TMEM212: variants seen among roughly 807,000 people sequenced by gnomAD.
The protein encoded by TMEM212 is transmembrane protein 212.
TMEM212 carries 23 observed loss-of-function variants against 20.5 expected under a neutral mutation model. The observed-to-expected ratio is 1.12, with a 90% CI of 0.81 to 1.59. TMEM212 has a LOEUF of 1.59. TMEM212 is among the 40% of genes most tolerant of loss of function. The pLI, the probability that TMEM212 is intolerant of heterozygous loss-of-function variation, is 0.00. For synonymous variants in TMEM212, 76 were observed against 81.6 expected (o/e 0.93, Z 0.37); for missense variants, 211 against 215.0 (o/e 0.98, Z 0.12).
In TMEM212 at chr3:171,848,425, T is replaced by G. The variant is rs898258798; in HGVS notation, c.160-3557T>G. Reference sequence around the variant, plus strand: ...CATTCCTTCCTTTTCCATCTCACTCTATACCCCCTTACCACTTGCCATCAC... The same window carrying G: ...CATTCCTTCCTTTTCCATCTCACTCGATACCCCCTTACCACTTGCCATCAC... On this transcript the variant is annotated intron_variant, in intron 1 of 4. Coordinates refer to ENST00000334567, the MANE Select transcript of TMEM212 (RefSeq NM_001164436.2). Among the ~76,000 whole-genome samples the G allele has an allele frequency of 5.9e-5, 9 of 152,316 alleles. 1 individual carries two copies. The highest frequency in any genetic ancestry group is 6.8e-3 in the Middle Eastern group (2 of 294).
chr3:171,843,496 C>T lies in TMEM212; in HGVS notation c.113C>T (p.Thr38Ile). 2 of 1,536,884 alleles carry T rather than the reference C, an allele frequency of 1.3e-6. No homozygotes were observed. The highest frequency in any genetic ancestry group is 1.4e-5 in the African/African-American group (1 of 73,132). ...FPVFSYKPWF[T>I]GWSVRIACPI... is the part of the protein sequence containing the mutation. ...GTCTTTTCTTACAAGCCTTGGTTCA[C>T]AGGATGGAGTGTTCGAATTGCTTGT... is the stretch of plus-strand genomic sequence containing the variant. Residue 38 changes from threonine (T) to isoleucine (I), a missense_variant, in exon 1 of 5, where the codon ACA becomes ATA. Physicochemically the swap from Thr to Ile is moderately conservative, Grantham distance 89 (BLOSUM62 -1). Coordinates refer to ENST00000334567, the MANE Select transcript of TMEM212 (RefSeq NM_001164436.2).
At position 171,853,559 on chromosome 3, in the gene TMEM212, C is replaced by A; in HGVS notation, c.252C>A (p.Ser84Arg). The change falls in exon 3 of 5, where the codon AGC becomes AGA. Residue 84 changes from serine (S) to arginine (R), a missense_variant. Coordinates refer to ENST00000334567, the MANE Select transcript of TMEM212 (RefSeq NM_001164436.2). ...GEATFTFVILSIMGCPLHFAI... is the reference protein window; with the variant it reads ...GEATFTFVILRIMGCPLHFAI... ...CTACTTTCACCTTTGTGATTCTGAG[C>A]ATTATGGGATGTCCACTTCATTTTG... The A allele has an allele frequency of 6.5e-7, 1 of 1,537,084 alleles. No individual in the cohort carries two copies. Among genetic ancestry groups the A allele is most frequent in the East Asian group, 2.4e-5 (1 of 40,920 alleles).
chr3:171,846,470 G>GT (rs1724835884), intron 1 of TMEM212, among the ~76,000 whole-genome samples: 1 of 152,140 alleles, frequency 6.6e-6, no homozygotes, highest in African/African-American at 2.4e-5. Flanking sequence ...GGCAGGGATT[G>GT]TTTTTTCTAT....
chr3:171,845,609 A>G (rs1350211782), intron 1 of TMEM212, among the ~76,000 whole-genome samples: 1 of 152,202 alleles, frequency 6.6e-6, no homozygotes, highest in Non-Finnish European at 1.5e-5. Context: ...GGCCCGGAGA[A>G]ATGATATGAT....
intron 3 of TMEM212, among the ~76,000 whole-genome samples, chr3:171,854,823 T>G (rs1209342342): frequency 6.6e-6 from 1 of 152,146 alleles, no homozygotes; most frequent in East Asian, 1.9e-4. Context: ...GACATAGAGC[T>G]CAGAAATAAA....
In TMEM212 at chr3:171,858,979, G is replaced by A. The variant is rs1725186147; in HGVS notation, c.*922G>A. On this transcript the variant is annotated 3_prime_UTR_variant, in exon 5 of 5. Transcript: ENST00000334567. ...GGAATACTACGCAGCCATAAAAAAGGATGAGTTCATGTCCTTTGCAGGGAC... is the reference window on the plus strand; with the variant it reads ...GGAATACTACGCAGCCATAAAAAAGAATGAGTTCATGTCCTTTGCAGGGAC... The A allele has an allele frequency of 6.6e-6, 1 of 152,172 alleles. No individual in the cohort carries two copies. Among genetic ancestry groups the A allele is most frequent in the South Asian group, 2.1e-4 (1 of 4,834 alleles). 9.4% of individuals were successfully genotyped at this position (152,172 alleles called of 1,614,324 possible). A position where few individuals can be genotyped will look rare whatever the true frequency, so the allele number is the denominator to read the frequency against.
In TMEM212 at chr3:171,853,848, A is replaced by G. The variant is rs578217188; in HGVS notation, c.541A>G (p.Asn181Asp). The change falls in exon 3 of 5, where the codon AAC becomes GAC. Residue 181 changes from asparagine (N) to aspartate (D), a missense_variant and splice_region_variant. Coordinates refer to ENST00000334567, the MANE Select transcript of TMEM212 (RefSeq NM_001164436.2). ...AAGACTTATCCAGAATGGACACATA[A>G]ACGTAAGTTTCAACAAAGGGGAGGC... ...SARLIQNGHI[N>D]MQLPAGNPNP... The G allele has an allele frequency of 1.3e-6, 2 of 1,531,774 alleles. No homozygotes were observed. Among genetic ancestry groups the G allele is most frequent in the African/African-American group, 2.8e-5 (2 of 72,716 alleles). 94.9% of individuals were successfully genotyped at this position (1,531,774 alleles called of 1,614,324 possible). A position where few individuals can be genotyped will look rare whatever the true frequency, so the allele number is the denominator to read the frequency against.
chr3:171,847,485 T>C (rs1724863901), intron 1 of TMEM212, among the ~76,000 whole-genome samples: 1 of 152,242 alleles, frequency 6.6e-6, no homozygotes, highest in African/African-American at 2.4e-5. Context: ...GTTGCATGTC[T>C]TCCAACTGCC....
chr3:171,855,177 AGATT>A (rs1166556470), intron 3 of TMEM212, among the ~76,000 whole-genome samples: 1 of 152,216 alleles, frequency 6.6e-6, no homozygotes, highest in Non-Finnish European at 1.5e-5. Flanking sequence ...GACATTCTTC[AGATT>A]GATACCTCAA....
At chr3:171,857,240 A>G (rs193052458) in intron 4 of TMEM212, among the ~76,000 whole-genome samples, 1 of 152,300 alleles carries the variant, frequency 6.6e-6, no homozygotes, top group Admixed American at 6.5e-5. Context: ...AAAAAAACTC[A>G]CACACATGGA....
rs373081476 is a variant in TMEM212 at position 171,855,167 on chromosome 3, G to A, written c.543+1317G>A. Reference sequence around the variant, plus strand: ...TTTAAATTCTATGACCTATCTCTTTGACATTCTTCAGATTGATACCTCAAA... The same window carrying A: ...TTTAAATTCTATGACCTATCTCTTTAACATTCTTCAGATTGATACCTCAAA... On this transcript the variant is annotated intron_variant, in intron 3 of 4. Transcript: ENST00000334567. 1.3e-3 allele frequency among the ~76,000 whole-genome samples: 198 copies of A among 152,162 alleles called. 1 individual carries two copies. The highest frequency in any genetic ancestry group is 4.7e-3 in the African/African-American group (195 of 41,514).
Position 171,843,541 on chromosome 3 carries a change from T to TG in TMEM212, c.159+1dup, listed in dbSNP as rs1385223026. The TG allele has an allele frequency of 2.2e-5, 33 of 1,529,190 alleles. No homozygotes were observed. Among genetic ancestry groups the TG allele is most frequent in the Middle Eastern group, 3.4e-4 (2 of 5,970 alleles). 94.7% of individuals were successfully genotyped at this position (1,529,190 alleles called of 1,614,324 possible). ...GCTTGTCCTATCTGGAATGGAGCTTTGGTATGAAAATAGTTTATTAAATAT... is the reference window on the plus strand; with the variant it reads ...GCTTGTCCTATCTGGAATGGAGCTTTGGGTATGAAAATAGTTTATTAAATAT... On this transcript the variant is annotated frameshift_variant and splice_region_variant, in exon 1 of 5. Coordinates refer to ENST00000334567, the MANE Select transcript of TMEM212 (RefSeq NM_001164436.2). LOFTEE classifies it high-confidence loss of function.
At chr3:171,843,703 G>A (rs1724765983) in intron 1 of TMEM212, among the ~76,000 whole-genome samples, 161 bp downstream of exon 1, 1 of 152,094 alleles carries the variant, frequency 6.6e-6, no homozygotes, top group Non-Finnish European at 1.5e-5. Flanking sequence ...TCTATTAATT[G>A]CATTTTAAGT....
At chr3:171,854,242 C>T (rs1470044121) in intron 3 of TMEM212, among the ~76,000 whole-genome samples, 2 of 152,086 alleles carry the variant, frequency 1.3e-5, no homozygotes, top group African/African-American at 4.8e-5. Flanking sequence ...GCAAAATTGA[C>T]TCTGTTTGCA....
chr3:171,845,306 T>C (rs1724807268), intron 1 of TMEM212, among the ~76,000 whole-genome samples: 1 of 152,196 alleles, frequency 6.6e-6, no homozygotes, highest in East Asian at 1.9e-4. Context: ...TGTATATACA[T>C]GTATAGTAGA....
At position 171,853,869 on chromosome 3, in the gene TMEM212, G is replaced by C. The variant is rs1478283492; in HGVS notation, c.543+19G>C. On this transcript the variant is annotated intron_variant, in intron 3 of 4. Coordinates refer to ENST00000334567, the MANE Select transcript of TMEM212 (RefSeq NM_001164436.2). ...CATAAACGTAAGTTTCAACAAAGGG[G>C]AGGCAGGTTCTTGTTCCATCTTGTA... 4 of 1,522,470 alleles carry C rather than the reference G, an allele frequency of 2.6e-6. No individual in the cohort carries two copies. Among genetic ancestry groups the C allele is most frequent in the Non-Finnish European group, 2.6e-6 (3 of 1,136,358 alleles). 94.3% of individuals were successfully genotyped at this position (1,522,470 alleles called of 1,614,324 possible).
chr3:171,844,193 A>G (rs1364149281), intron 1 of TMEM212, among the ~76,000 whole-genome samples: 2 of 152,156 alleles, frequency 1.3e-5, no homozygotes, highest in Non-Finnish European at 2.9e-5. Context: ...CATTGCACAG[A>G]TAAACGATTG....
intron 1 of TMEM212, among the ~76,000 whole-genome samples, chr3:171,851,511 G>A (rs1470426789): frequency 1.3e-5 from 2 of 152,218 alleles, no homozygotes; most frequent in African/African-American, 2.4e-5. Context: ...CCCACCAGCA[G>A]GCTGAGGCTA....
chr3:171,845,055 A>G (rs1024586135), intron 1 of TMEM212, among the ~76,000 whole-genome samples: 5 of 152,022 alleles, frequency 3.3e-5, no homozygotes, highest in African/African-American at 1.2e-4. Flanking sequence ...TTTTGCATCT[A>G]TCACCCCAAT....
Sources: gnomAD v4.1 joint callset for allele counts (sites outside exome capture counted in the v4.1 genomes callset) on GRCh38, gnomAD v4.1.1 for gene constraint, MANE v1.5 for transcripts, NCBI Gene and HGNC (gene_info 2026-07-23, HGNC 2026-07-21) for gene names.